The following PDE1A variants were observed in gnomAD, a reference collection of about 807,000 sequenced individuals.
PDE1A encodes the protein phosphodiesterase 1A.
Under a neutral mutation model 61.7 loss-of-function variants are expected in PDE1A, and 35 were observed. That is an observed-to-expected ratio of 0.57 (90% confidence interval 0.43 to 0.75). The LOEUF is 0.75. PDE1A is among the 30% of genes least tolerant of loss of function. The pLI is 0.00. For missense variants in PDE1A, 597 were observed against 630.6 expected, an observed-to-expected ratio of 0.95 and a Z score of 0.57; for synonymous variants, 232 against 213.2, an observed-to-expected ratio of 1.09 and a Z score of -0.77.
rs952269545 is a variant in PDE1A at position 182,475,359 on chromosome 2, G to A, written c.101+46917C>T. Among the ~76,000 whole-genome samples, 19 of 152,016 alleles carry A rather than the reference G, an allele frequency of 1.2e-4. No individual in the cohort carries two copies. The Middle Eastern group carries it at 0.014, about 109-fold the overall frequency. On this transcript the variant is annotated intron_variant, in intron 2 of 14. Transcript: ENST00000410103. ...GGAGGCAAGACAGGTTAAGAAAAGT[G>A]AAGAAATTGAGGGTCTCCCCATTCC...
chr2:182,277,130 G>A (rs758129142), intron 1 of PDE1A, among the ~76,000 whole-genome samples: 16 of 151,978 alleles, frequency 1.1e-4, no homozygotes, highest in Non-Finnish European at 1.9e-4. Context: ...TGTGATCTTT[G>A]TTCTCCTTTT....
intron 13 of PDE1A, chr2:182,168,336 G>T (rs767522982): frequency 2.7e-6 from 4 of 1,504,320 alleles, no homozygotes; most frequent in Non-Finnish European, 3.6e-6. Flanking sequence ...TAGAGAAAAT[G>T]CTGTAAAGAA....
chr2:182,194,031 C>T (rs981629716), intron 10 of PDE1A, among the ~76,000 whole-genome samples: 4 of 152,120 alleles, frequency 2.6e-5, no homozygotes, highest in African/African-American at 9.6e-5. Flanking sequence ...AGAGGCCTGA[C>T]TGTATACAAT....
the PDE1A span, among the ~76,000 whole-genome samples, chr2:182,617,861 C>G: frequency 6.6e-6 from 1 of 152,206 alleles, no homozygotes. Flanking sequence ...ATCTGGATTA[C>G]ATGTTAGCCC....
the PDE1A span, among the ~76,000 whole-genome samples, chr2:182,560,247 T>C: frequency 4.2e-5 from 5 of 120,378 alleles, no homozygotes; most frequent in East Asian, 1.4e-3. Context: ...CAGAGTGTGA[T>C]GTTCCCCTTC....
chr2:182,459,186 A>G (rs1311512649), intron 2 of PDE1A, among the ~76,000 whole-genome samples: 1 of 152,120 alleles, frequency 6.6e-6, no homozygotes, highest in Non-Finnish European at 1.5e-5. Context: ...CTTGTAAAAG[A>G]TTAATATTTA....
chr2:182,322,760 A>T (rs1175118887), intron 1 of PDE1A, among the ~76,000 whole-genome samples: 4 of 152,202 alleles, frequency 2.6e-5, no homozygotes, highest in Non-Finnish European at 4.4e-5. Context: ...TAGTAAAAGA[A>T]TTTGTAGAAC....
At chr2:182,641,794 T>C in the PDE1A span, among the ~76,000 whole-genome samples, 5 of 152,214 alleles carry the variant, frequency 3.3e-5, no homozygotes, top group Non-Finnish European at 7.3e-5. Context: ...GGATAATCAT[T>C]TGGAAATTTG....
chr2:182,640,484 A>C, the PDE1A span, among the ~76,000 whole-genome samples: 1 of 152,208 alleles, frequency 6.6e-6, no homozygotes, highest in Non-Finnish European at 1.5e-5. Flanking sequence ...GGGAATAAAA[A>C]TATTTGAAGC....
chr2:182,457,535 A>G (rs1296101468), intron 2 of PDE1A, among the ~76,000 whole-genome samples: 1 of 152,020 alleles, frequency 6.6e-6, no homozygotes, highest in Non-Finnish European at 1.5e-5. Context: ...CCAACTCTGA[A>G]AGTCTACAGT....
chr2:182,461,683 G>A (rs113566337), intron 2 of PDE1A, among the ~76,000 whole-genome samples: 1,773 of 152,186 alleles, frequency 0.012, 34 homozygotes, highest in African/African-American at 0.04. Flanking sequence ...AGAAAGACAG[G>A]AAATACGTAG....
intron 8 of PDE1A, among the ~76,000 whole-genome samples, chr2:182,205,476 C>T (rs1407734305): frequency 6.6e-6 from 1 of 151,398 alleles, no homozygotes; most frequent in Non-Finnish European, 1.5e-5. Context: ...GTAAGATTTC[C>T]TCTGCACTTG....
the PDE1A span, among the ~76,000 whole-genome samples, chr2:182,590,619 T>C: frequency 3.9e-5 from 6 of 152,160 alleles, no homozygotes; most frequent in Admixed American, 3.9e-4. Context: ...ACCAAGAGAC[T>C]TTACCAAACA....
At chr2:182,572,484 A>G in the PDE1A span, among the ~76,000 whole-genome samples, 1 of 152,234 alleles carries the variant, frequency 6.6e-6, no homozygotes, top group African/African-American at 2.4e-5. Context: ...GAAAAGTATG[A>G]CAATAATTAC....
intron 2 of PDE1A, among the ~76,000 whole-genome samples, chr2:182,455,046 A>T (rs1001927078): frequency 6.6e-6 from 1 of 152,016 alleles, no homozygotes; most frequent in African/African-American, 2.4e-5. Context: ...CAATGAACTC[A>T]AACAAATTTA....
At chr2:182,184,261 G>GAA (rs67827399) in intron 13 of PDE1A, among the ~76,000 whole-genome samples, 6 of 148,198 alleles carry the variant, frequency 4.0e-5, no homozygotes, top group African/African-American at 1.5e-4. Flanking sequence ...GTAGAATACT[G>GAA]AAAAAAAAAA....
intron 1 of PDE1A, among the ~76,000 whole-genome samples, chr2:182,292,328 G>A (rs929795950): frequency 6.6e-6 from 1 of 151,904 alleles, no homozygotes; most frequent in Non-Finnish European, 1.5e-5. Flanking sequence ...TGAGAACCCA[G>A]TGTCTATAGA....
the PDE1A span, among the ~76,000 whole-genome samples, chr2:182,678,285 T>C: frequency 1.0e-3 from 159 of 152,128 alleles, 4 homozygotes; most frequent in South Asian, 0.02. Flanking sequence ...TAGCCAGGCA[T>C]GGTGGTGGGC....
chr2:182,692,333 T>C, the PDE1A span, among the ~76,000 whole-genome samples: 1 of 152,132 alleles, frequency 6.6e-6, no homozygotes, highest in Non-Finnish European at 1.5e-5. Context: ...CGGAATACTA[T>C]GCAGCCATAA....
Sources: allele counts gnomAD v4.1 joint callset (sites outside exome capture counted in the v4.1 genomes callset), GRCh38; gene constraint gnomAD v4.1.1; transcripts MANE v1.5; gene names NCBI Gene and HGNC (gene_info 2026-07-23, HGNC 2026-07-21).